STK31: variants seen among roughly 807,000 people sequenced by gnomAD.
STK31 encodes serine/threonine-protein kinase 31.
In STK31, 89 loss-of-function variants were observed where a neutral mutation model predicts 129.7. The ratio of observed to expected loss-of-function variants is 0.69; its 90% CI spans 0.58 to 0.82. The LOEUF (loss-of-function observed/expected upper bound fraction) is 0.82, where lower values mean the gene tolerates loss of function less well. STK31 is among the 40% of genes least tolerant of loss of function. The pLI is 0.00. For synonymous variants in STK31, 448 were observed against 395.3 expected (o/e 1.13, Z -1.58); for missense variants, 1,187 against 1,176.4 (o/e 1.01, Z -0.13).
chr7:23,768,880 A>T (rs1789994783), intron 11 of STK31, 115 bp from the exon 12 acceptor site: 1 of 863,824 alleles, frequency 1.2e-6, no homozygotes, highest in Non-Finnish European at 1.7e-6. Flanking sequence ...TATTTATGAA[A>T]TTCTCAAGAA....
intron 11 of STK31, among the ~76,000 whole-genome samples, chr7:23,763,170 A>G (rs746375027): frequency 6.6e-6 from 1 of 152,198 alleles, no homozygotes; most frequent in Non-Finnish European, 1.5e-5. Context: ...CACTGGGGAA[A>G]TTAATGGAGA....
In STK31 at chr7:23,729,253, A is replaced by C. The variant is rs1787255793; in HGVS notation, c.483+4A>C. The stretch of plus-strand genomic sequence containing the variant: ...AGAAGTTACCCAGTTTGATCAGGCA[A>C]GTCACGTATTTTAAATATTTTTGCT... On this transcript the variant is annotated splice_donor_region_variant and intron_variant, in intron 6 of 23. Transcript: ENST00000355870. 2 of 1,569,520 alleles carry C rather than the reference A, an allele frequency of 1.3e-6. No homozygotes were observed. Among genetic ancestry groups the C allele is most frequent in the Non-Finnish European group, 1.7e-6 (2 of 1,164,148 alleles).
intron 15 of STK31, among the ~76,000 whole-genome samples, chr7:23,776,666 C>T (rs1399094968): frequency 6.6e-6 from 1 of 152,172 alleles, no homozygotes; most frequent in African/African-American, 2.4e-5. Flanking sequence ...TCTGTGGGAT[C>T]AGTGGTGATA....
rs1359027476 is a variant in STK31, at chr7:23,786,931, A to T, written c.2487+7A>T. ...CATGCCTTTAAATTCAGAAGTAAGTAAAAAGCACTATTTATTTCCATGGAT... is the reference window on the plus strand; with the variant it reads ...CATGCCTTTAAATTCAGAAGTAAGTTAAAAGCACTATTTATTTCCATGGAT... On this transcript the variant is annotated splice_region_variant and intron_variant, in intron 20 of 23. Coordinates refer to ENST00000355870, the MANE Select transcript of STK31 (RefSeq NM_031414.5). The T allele has an allele frequency of 3.7e-6, 6 of 1,610,854 alleles. No homozygotes were observed. The highest frequency in any genetic ancestry group is 1.3e-5 in the African/African-American group (1 of 74,836).
intron 22 of STK31, among the ~76,000 whole-genome samples, chr7:23,799,065 A>G (rs1792200560): frequency 1.3e-5 from 2 of 152,116 alleles, no homozygotes; most frequent in South Asian, 2.1e-4. Context: ...AAGAAGAATT[A>G]CAAACCACTG....
At chr7:23,761,321 G>A (rs535159137) in intron 10 of STK31, among the ~76,000 whole-genome samples, 10 of 151,806 alleles carry the variant, frequency 6.6e-5, no homozygotes, top group African/African-American at 2.4e-4. Flanking sequence ...AAATGAAATC[G>A]TCATTTTATT....
At chr7:23,723,703 A>G (rs960360591) in intron 4 of STK31, among the ~76,000 whole-genome samples, 1 of 152,156 alleles carries the variant, frequency 6.6e-6, no homozygotes, top group African/African-American at 2.4e-5. Context: ...GGAGGAGAAG[A>G]TTGGGCCCAG....
chr7:23,725,593 A>G (rs1168170505), intron 4 of STK31, among the ~76,000 whole-genome samples: 2 of 152,056 alleles, frequency 1.3e-5, no homozygotes, highest in Admixed American at 1.3e-4. Context: ...TCCCAATCCA[A>G]TCATGGCTTA....
intron 5 of STK31, chr7:23,727,559 T>A: frequency 8.7e-5 from 3 of 34,496 alleles, no homozygotes; most frequent in Middle Eastern, 0.011. Flanking sequence ...CTCAGTTCTT[T>A]TTTTTTTTTT....
chr7:23,816,153 A>G (rs954755405), intron 23 of STK31, among the ~76,000 whole-genome samples: 10 of 152,100 alleles, frequency 6.6e-5, no homozygotes, highest in Admixed American at 3.9e-4. Context: ...ATTTCAGACA[A>G]CTTTTGTGAG....
chr7:23,825,040 A>G (rs201930273), intron 23 of STK31, among the ~76,000 whole-genome samples: 21 of 152,032 alleles, frequency 1.4e-4, no homozygotes, highest in African/African-American at 1.2e-4. Context: ...GTTCATCAAG[A>G]ATATTGGTCT....
At chr7:23,808,206 G>C (rs1292390412) in intron 22 of STK31, among the ~76,000 whole-genome samples, 1 of 150,726 alleles carries the variant, frequency 6.6e-6, no homozygotes, top group Non-Finnish European at 1.5e-5. Context: ...GGTATAGTAT[G>C]CAGTTCCAGA....
At chr7:23,807,443 A>G (rs1455928945) in intron 22 of STK31, among the ~76,000 whole-genome samples, 1 of 152,106 alleles carries the variant, frequency 6.6e-6, no homozygotes, top group Non-Finnish European at 1.5e-5. Flanking sequence ...TTTATAGGTA[A>G]TATTACATTT....
intron 8 of STK31, among the ~76,000 whole-genome samples, chr7:23,752,479 A>T (rs1441264247): frequency 6.6e-6 from 1 of 151,818 alleles, no homozygotes; most frequent in Admixed American, 6.6e-5. Flanking sequence ...CCTCCTAAGT[A>T]GCTAAGCTAC....
At chr7:23,784,070 G>T (rs759320622) in intron 17 of STK31, among the ~76,000 whole-genome samples, 2 of 152,162 alleles carry the variant, frequency 1.3e-5, no homozygotes, top group Non-Finnish European at 2.9e-5. Flanking sequence ...TTCTAGAGAG[G>T]TTGGTTAAGG....
intron 9 of STK31, among the ~76,000 whole-genome samples, chr7:23,753,083 A>G (rs1257440592): frequency 4.6e-5 from 7 of 152,180 alleles, no homozygotes; most frequent in African/African-American, 1.7e-4. Context: ...ACAGCAACAT[A>G]GCTTTTAAGT....
chr7:23,710,687 A>T (rs986021788), intron 1 of STK31: 1 of 1,115,512 alleles, frequency 9.0e-7, no homozygotes, highest in African/African-American at 1.6e-5. Flanking sequence ...CCAAATTTTC[A>T]TCACGAAGTG....
intron 9 of STK31, among the ~76,000 whole-genome samples, chr7:23,753,845 C>T (rs1788878990): frequency 2.0e-5 from 3 of 151,996 alleles, no homozygotes; most frequent in African/African-American, 7.2e-5. Flanking sequence ...TTTGGAAGTG[C>T]TGTTTTTGTG....
At chr7:23,746,738 G>A (rs891449810) in intron 8 of STK31, among the ~76,000 whole-genome samples, 4 of 152,196 alleles carry the variant, frequency 2.6e-5, no homozygotes, top group African/African-American at 9.6e-5. Context: ...AGTAGGCTGA[G>A]GAGGAAGAGC....
Sources: allele counts gnomAD v4.1 joint callset (sites outside exome capture counted in the v4.1 genomes callset), GRCh38; gene constraint gnomAD v4.1.1; transcripts MANE v1.5; gene names NCBI Gene and HGNC (gene_info 2026-07-23, HGNC 2026-07-21).